VCAN: variants seen among roughly 807,000 people sequenced by gnomAD.
VCAN encodes the protein versican core protein.
A neutral mutation model predicts 245.5 loss-of-function variants in VCAN; 44 were observed. That is an observed-to-expected ratio of 0.18 (90% CI 0.14 to 0.23). The LOEUF (loss-of-function observed/expected upper bound fraction) is 0.23. Among genes scored for constraint, VCAN ranks in the 10% least tolerant of loss-of-function variants. The pLI is 1.00. For missense variants in VCAN, 3,793 were observed against 4,057.9 expected (o/e 0.93, Z 1.77); for synonymous variants, 1,413 against 1,437.0 (o/e 0.98, Z 0.38).
chr5:83,530,229 T>A (rs560047272), intron 7 of VCAN, among the ~76,000 whole-genome samples: 1 of 152,102 alleles, frequency 6.6e-6, no homozygotes, highest in Non-Finnish European at 1.5e-5. Flanking sequence ...CAATTTAATT[T>A]TTTTCTCATA....
intron 5 of VCAN, 148 bp from the exon 6 acceptor site, chr5:83,511,955 A>G (rs1180753827): frequency 2.1e-6 from 2 of 950,414 alleles, no homozygotes; most frequent in Admixed American, 5.0e-5. Context: ...AGTCACCATT[A>G]TCTTTTCTGC....
rs79853456 is a variant in VCAN at position 83,555,069 on chromosome 5, C to T, written c.9735+31C>T. 7,007 of 1,610,182 alleles carry T rather than the reference C, an allele frequency of 4.4e-3. 20 individuals carry two copies. Among genetic ancestry groups the T allele is most frequent in the Non-Finnish European group, 5.2e-3 (6,078 of 1,176,878 alleles). ...ATGCCCTTGAAAATGATGTCAAGTT[C>T]TACCTTCTGGAAATTTGGTACTGTG... On this transcript the variant is annotated intron_variant, in intron 12 of 14. Coordinates refer to ENST00000265077, the MANE Select transcript of VCAN (RefSeq NM_004385.5).
rs1293578656 is a variant in VCAN at position 83,521,753 on chromosome 5, A to T, written c.3447A>T (p.Gly1149=). The change falls in exon 7 of 15, where the codon GGA becomes GGT. Residue 1149 remains glycine, a synonymous_variant. Coordinates refer to ENST00000265077, the MANE Select transcript of VCAN (RefSeq NM_004385.5). ...KYETEGSSTT[G]FTSSLSPFST... ...AAACAGAAGGTAGTAGTACAACAGG[A>T]TTTACATCATCTTTGAGTCCTTTTA... 1 of 1,614,158 alleles carries T rather than the reference A, an allele frequency of 6.2e-7. No homozygotes were observed. Among genetic ancestry groups the T allele is most frequent in the East Asian group, 2.2e-5 (1 of 44,892 alleles).
chr5:83,489,312 T>G (rs1744889879), intron 2 of VCAN, among the ~76,000 whole-genome samples: 1 of 152,112 alleles, frequency 6.6e-6, no homozygotes, highest in Non-Finnish European at 1.5e-5. Context: ...CCTCTAAGAG[T>G]GAAAAAACAT....
intron 5 of VCAN, among the ~76,000 whole-genome samples, 155 bp downstream of exon 5, chr5:83,494,086 G>A (rs1745079066): frequency 1.3e-5 from 2 of 152,184 alleles, no homozygotes; most frequent in Admixed American, 6.5e-5. Flanking sequence ...AAAATAAGCC[G>A]AAATTAAAGT....
intron 13 of VCAN, among the ~76,000 whole-genome samples, chr5:83,578,912 A>G (rs1748568575): frequency 5.3e-5 from 8 of 152,178 alleles, no homozygotes; most frequent in Admixed American, 5.2e-4. Flanking sequence ...GAATAAAACT[A>G]TGTTAACACA....
intron 7 of VCAN, among the ~76,000 whole-genome samples, chr5:83,524,317 TCTTCTC>T (rs1439156403): frequency 3.3e-5 from 5 of 152,154 alleles, no homozygotes; most frequent in Admixed American, 2.0e-4. Context: ...TATAGGTGTT[TCTTCTC>T]CTTCTGCTTC....
chr5:83,510,243 C>T (rs1561237936), intron 5 of VCAN, among the ~76,000 whole-genome samples: 1 of 152,178 alleles, frequency 6.6e-6, no homozygotes, highest in Non-Finnish European at 1.5e-5. Flanking sequence ...TGAAATTTGG[C>T]CTACTTTCCT....
At chr5:83,486,099 C>T (rs778147715) in intron 2 of VCAN, among the ~76,000 whole-genome samples, 1 of 152,048 alleles carries the variant, frequency 6.6e-6, no homozygotes, top group Non-Finnish European at 1.5e-5. Flanking sequence ...CACCACTGCA[C>T]TCCAGCCTGG....
intron 12 of VCAN, among the ~76,000 whole-genome samples, chr5:83,559,421 A>G (rs772401631): frequency 8.1e-4 from 123 of 152,022 alleles, no homozygotes; most frequent in Non-Finnish European, 1.7e-3. Flanking sequence ...GACAAAACCA[A>G]TCCACTCCGT....
chr5:83,527,406 T>A (rs1746344463), intron 7 of VCAN, among the ~76,000 whole-genome samples: 1 of 152,206 alleles, frequency 6.6e-6, no homozygotes, highest in African/African-American at 2.4e-5. Flanking sequence ...GAAGCACATT[T>A]TTCTGCAGAT....
Position 83,539,842 on chromosome 5 carries a change from A to G in VCAN, c.6839A>G (p.Asn2280Ser), listed in dbSNP as rs996154023. ...AATTTTACTGAAGTGGAACAAATCA[A>G]TAACACATTATATCCCCACACTTCT... ...SVNFTEVEQI[N>S]NTLYPHTSQV... is the part of the protein sequence containing the mutation. The change falls in exon 8 of 15, where the codon AAT (asparagine) becomes AGT (serine). Residue 2280 changes from asparagine to serine, a missense_variant. This residue lies in a region of VCAN where 3,182 missense variants were observed against 3,250.3 expected (regional missense o/e 0.98). Coordinates refer to ENST00000265077, the MANE Select transcript of VCAN (RefSeq NM_004385.5). The G allele has an allele frequency of 6.8e-6, 11 of 1,613,950 alleles. No homozygotes were observed. The Admixed American group carries it at 1.3e-4, about 20-fold the overall frequency.
intron 5 of VCAN, among the ~76,000 whole-genome samples, chr5:83,494,326 T>C (rs769331903): frequency 6.6e-6 from 1 of 152,202 alleles, no homozygotes; most frequent in Admixed American, 6.5e-5. Context: ...CAGAGCTAAC[T>C]AAATAACTCC....
chr5:83,535,333 A>G (rs1746664442), intron 7 of VCAN, among the ~76,000 whole-genome samples: 1 of 152,142 alleles, frequency 6.6e-6, no homozygotes, highest in Admixed American at 6.6e-5. Flanking sequence ...AGAATAACCC[A>G]GTCCTACACA....
At chr5:83,522,410 G>T in intron 7 of VCAN, 101 bp downstream of exon 7, 1 of 1,239,038 alleles carries the variant, frequency 8.1e-7, no homozygotes, top group Non-Finnish European at 1.2e-6. Context: ...GCTGCTATTA[G>T]AAGATAACTG....
chr5:83,542,891 G>A (rs923658939), intron 8 of VCAN, among the ~76,000 whole-genome samples: 1 of 152,140 alleles, frequency 6.6e-6, no homozygotes, highest in African/African-American at 2.4e-5. Context: ...AGTTTTCTGT[G>A]TATTTACTGA....
intron 12 of VCAN, among the ~76,000 whole-genome samples, chr5:83,571,106 T>A (rs774865403): frequency 6.6e-6 from 1 of 152,166 alleles, no homozygotes; most frequent in Non-Finnish European, 1.5e-5. Context: ...CTAGACATGA[T>A]AAAGCATGAG....
At chr5:83,504,391 T>TC (rs975394761) in intron 5 of VCAN, among the ~76,000 whole-genome samples, 1 of 151,694 alleles carries the variant, frequency 6.6e-6, no homozygotes, top group African/African-American at 2.4e-5. Flanking sequence ...TGAATTTTTT[T>TC]TTTTTTTTTT....
At chr5:83,562,942 C>T (rs1360729852) in intron 12 of VCAN, among the ~76,000 whole-genome samples, 2 of 152,164 alleles carry the variant, frequency 1.3e-5, no homozygotes, top group Admixed American at 1.3e-4. Flanking sequence ...AAGATTAGTG[C>T]TGTTCTCAAG....
Sources: allele counts gnomAD v4.1 joint callset (sites outside exome capture counted in the v4.1 genomes callset), GRCh38; gene constraint gnomAD v4.1.1; regional missense constraint gnomAD v4.1.1; transcripts MANE v1.5; gene names NCBI Gene and HGNC (gene_info 2026-07-23, HGNC 2026-07-21).